MLLT6: variants seen among roughly 807,000 people sequenced by gnomAD.
MLLT6 encodes the protein MLLT6, PHD finger containing.
A neutral mutation model predicts 103.0 loss-of-function variants in MLLT6; 22 were observed. That is an observed-to-expected ratio of 0.21 (90% CI 0.15 to 0.31). MLLT6 has a LOEUF of 0.31. Among genes scored for constraint, MLLT6 ranks in the 10% least tolerant of loss-of-function variants. The probability of loss-of-function intolerance (pLI) is 1.00; values close to 1 mark genes in which losing one functional copy is unlikely to be tolerated. For synonymous variants in MLLT6, 606 were observed against 623.5 expected (o/e 0.97, Z 0.42); for missense variants, 1,199 against 1,441.7 (o/e 0.83, Z 2.73).
Position 38,728,724 on chromosome 17 carries a change from C to CCGAA in MLLT6, c.*3127_*3128insGAAC, listed in dbSNP as rs1906167477. 4.3e-6 allele frequency: 1 copy of CCGAA among 234,310 alleles called. No individual in the cohort carries two copies. Among genetic ancestry groups the CCGAA allele is most frequent in the Non-Finnish European group, 8.4e-6 (1 of 118,618 alleles). The allele number at this position is 234,310 out of a possible 1,614,324, so 14.5% of individuals were successfully genotyped here. A position where few individuals can be genotyped will look rare whatever the true frequency, so the allele number is the denominator to read the frequency against. ...GACTGTGGCCTCCTGGCCCTTGGTT[C>CCGAA]CCCTGCCCCACAACATGGTCTCCAC... On this transcript the variant is annotated 3_prime_UTR_variant, in exon 20 of 20. Transcript: ENST00000621332.
intron 10 of MLLT6, 95 bp downstream of exon 10, chr17:38,717,076 T>C: frequency 1.3e-6 from 2 of 1,535,748 alleles, no homozygotes; most frequent in East Asian, 2.3e-5. Flanking sequence ...ATGGGATGGA[T>C]ACCACTCCAA....
chr17:38,721,937 C>T lies in MLLT6; in HGVS notation c.2502C>T (p.Pro834=). 6.5e-7 allele frequency: 1 copy of T among 1,540,650 alleles called. No homozygotes were observed. Among genetic ancestry groups the T allele is most frequent in the Non-Finnish European group, 8.7e-7 (1 of 1,150,422 alleles). ...CGTCGCTGTCCTTCCACAGCACGCC[C>T]CCACCGCTGCCCCTCCTCCAGCAGA... ...SSSSLSFHST[P]PPLPLLQQSP... Residue 834 remains proline, a synonymous_variant, in exon 17 of 20, where the codon CCC becomes CCT. Coordinates refer to ENST00000621332, the MANE Select transcript of MLLT6 (RefSeq NM_005937.4).
At position 38,726,747 on chromosome 17, in the gene MLLT6, G is replaced by A. The variant is rs969571327; in HGVS notation, c.*1149G>A. ...GGAGCCCCAGGGCTTGGGGGAGGGC[G>A]TAAGGTGGGGGGAAATGCCACTGCT... is the stretch of plus-strand genomic sequence containing the variant. On this transcript the variant is annotated 3_prime_UTR_variant, in exon 20 of 20. Coordinates refer to ENST00000621332, the MANE Select transcript of MLLT6 (RefSeq NM_005937.4). 2.1e-5 allele frequency: 5 copies of A among 233,456 alleles called. No individual in the cohort carries two copies. The highest frequency in any genetic ancestry group is 6.0e-5 in the East Asian group (1 of 16,606). The allele number at this position is 233,456 out of a possible 1,614,324, so 14.5% of individuals were successfully genotyped here. A position where few individuals can be genotyped will look rare whatever the true frequency, so the allele number is the denominator to read the frequency against.
In MLLT6 at chr17:38,720,674, C is replaced by T; in HGVS notation, c.2369C>T (p.Ser790Phe). Residue 790 changes from serine to phenylalanine, a missense_variant, in exon 16 of 20, where the codon TCC becomes TTC. This residue lies in a region of MLLT6 where 1,034 missense variants were observed against 1,091.5 expected (regional missense o/e 0.95). Transcript: ENST00000621332. ...GLPPQAGSSDSLSTSKSPPGK... is the reference protein window; with the variant it reads ...GLPPQAGSSDFLSTSKSPPGK... ...CCTCCCACAGCCGGCAGCAGCGACTCCTTGAGCACCAGCAAGAGCCCTCCG... is the reference window on the plus strand; with the variant it reads ...CCTCCCACAGCCGGCAGCAGCGACTTCTTGAGCACCAGCAAGAGCCCTCCG... 6.2e-7 allele frequency: 1 copy of T among 1,613,878 alleles called. No homozygotes were observed. Among genetic ancestry groups the T allele is most frequent in the Non-Finnish European group, 8.5e-7 (1 of 1,180,040 alleles).
rs542495398 is a variant in MLLT6, at chr17:38,724,023, G to A, written c.2884-597G>A. 2.0e-5 allele frequency among the ~76,000 whole-genome samples: 3 copies of A among 152,234 alleles called. No individual in the cohort carries two copies. Among genetic ancestry groups the A allele is most frequent in the East Asian group, 1.9e-4 (1 of 5,166 alleles). ...CTCCCAAAGTGCTGGGATTATAGGC[G>A]TGAGCCACCGTGTCCGGCGAATTGA... On this transcript the variant is annotated intron_variant, in intron 18 of 19. Transcript: ENST00000621332. The surrounding 1 kb of genome is among the most constrained non-coding windows in gnomAD (Gnocchi z 5.4).
intron 2 of MLLT6, 133 bp from the exon 3 acceptor site, chr17:38,707,353 C>A: frequency 2.6e-6 from 2 of 771,442 alleles, no homozygotes; most frequent in Non-Finnish European, 2.2e-6. Context: ...CAACTCATGG[C>A]CAATCCTGTT....
At position 38,720,588 on chromosome 17, in the gene MLLT6, G is replaced by A; in HGVS notation, c.2353+19G>A. On this transcript the variant is annotated intron_variant, in intron 15 of 19. Coordinates refer to ENST00000621332, the MANE Select transcript of MLLT6 (RefSeq NM_005937.4). ...CCCCAAGGTGAGGGGATCCTGCCCAGCCCGGGAGAGAGGCCCGTGCCCTGA... is the reference window on the plus strand; with the variant it reads ...CCCCAAGGTGAGGGGATCCTGCCCAACCCGGGAGAGAGGCCCGTGCCCTGA... 1 of 1,612,640 alleles carries A rather than the reference G, an allele frequency of 6.2e-7. No homozygotes were observed. The highest frequency in any genetic ancestry group is 8.5e-7 in the Non-Finnish European group (1 of 1,179,770).
rs767164227 is a variant in MLLT6, at chr17:38,719,583, T to C, written c.2009T>C (p.Met670Thr). 4 of 1,605,486 alleles carry C rather than the reference T, an allele frequency of 2.5e-6. No individual in the cohort carries two copies. Among genetic ancestry groups the C allele is most frequent in the Non-Finnish European group, 3.4e-6 (4 of 1,175,744 alleles). ...TCCCCTCAGGAGAGTCTGTCTTCCATGTGAGGGAAGGGGCAGCCTGGAGGA... is the reference window on the plus strand; with the variant it reads ...TCCCCTCAGGAGAGTCTGTCTTCCACGTGAGGGAAGGGGCAGCCTGGAGGA... ...GTSPQESLSS[M>T]SPISSLPALF... is the part of the protein sequence containing the mutation. Residue 670 changes from methionine (M) to threonine (T), a missense_variant and splice_region_variant, in exon 13 of 20, where the codon ATG (methionine) becomes ACG (threonine). Met to Thr is a moderately conservative substitution (Grantham distance 81). This residue lies in a region of MLLT6 where 1,034 missense variants were observed against 1,091.5 expected (regional missense o/e 0.95). Coordinates refer to ENST00000621332, the MANE Select transcript of MLLT6 (RefSeq NM_005937.4).
chr17:38,707,103 ACT>A, intron 2 of MLLT6, 74 bp downstream of exon 2: 1 of 1,333,838 alleles, frequency 7.5e-7, no homozygotes, highest in Non-Finnish European at 1.0e-6. Flanking sequence ...GAGCTAGGGG[ACT>A]CTGAGGCCGA....
Position 38,709,419 on chromosome 17 carries a change from T to G in MLLT6, c.459-63T>G, listed in dbSNP as rs1597990376. On this transcript the variant is annotated intron_variant, in intron 5 of 19. Transcript: ENST00000621332. This position sits in a 1 kb window ranked among gnomAD's most constrained non-coding sequence, Gnocchi z 4.3. ...TCGCCTCAGCAGGGGGCCAGGAGGG[T>G]GAGAGGAAGGTGGCTCATGTGATCT... 2.0e-6 allele frequency: 3 copies of G among 1,488,340 alleles called. No homozygotes were observed. The highest frequency in any genetic ancestry group is 2.3e-5 in the South Asian group (2 of 88,566). The allele number at this position is 1,488,340 out of a possible 1,614,324, so 92.2% of individuals were successfully genotyped here. A position where few individuals can be genotyped will look rare whatever the true frequency, so the allele number is the denominator to read the frequency against.
Position 38,722,053 on chromosome 17 carries a change from C to T in MLLT6, c.2618C>T (p.Ala873Val), listed in dbSNP as rs951077568. 9 of 1,405,132 alleles carry T rather than the reference C, an allele frequency of 6.4e-6. No homozygotes were observed. The highest frequency in any genetic ancestry group is 3.0e-5 in the Admixed American group (1 of 33,380). The allele number at this position is 1,405,132 out of a possible 1,614,324, so 87.0% of individuals were successfully genotyped here. Residue 873 changes from alanine (A) to valine (V), a missense_variant, in exon 17 of 20, where the codon GCG becomes GTG. Ala to Val is a moderately conservative substitution (Grantham distance 64). Transcript: ENST00000621332. The stretch of plus-strand genomic sequence containing the variant: ...GGGTTGGGCCGGGCACCCGGGGCAG[C>T]GGGGCTGGGGGCCATGCCCATGGCT... Reference protein sequence around the residue: ...QNGLGRAPGAAGLGAMPMAEG... With the variant: ...QNGLGRAPGAVGLGAMPMAEG...
In MLLT6 at chr17:38,709,580, G is replaced by A. The variant is rs1359775238; in HGVS notation, c.552+5G>A. On this transcript the variant is annotated splice_donor_5th_base_variant and intron_variant, in intron 6 of 19. Transcript: ENST00000621332. This position sits in a 1 kb window ranked among gnomAD's most constrained non-coding sequence, Gnocchi z 4.3. Reference sequence around the variant, plus strand: ...AAATACCACTTCAGCAAGATGGTGAGTCCTGGCGACCAGCGCATGAGCGGG... The same window carrying A: ...AAATACCACTTCAGCAAGATGGTGAATCCTGGCGACCAGCGCATGAGCGGG... 6.2e-7 allele frequency: 1 copy of A among 1,610,472 alleles called. No homozygotes were observed.
At chr17:38,715,882 A>T (rs1160084839) in intron 9 of MLLT6, 54 bp downstream of exon 9, 2 of 1,472,834 alleles carry the variant, frequency 1.4e-6, no homozygotes, top group Non-Finnish European at 1.8e-6. Flanking sequence ...TTTTGTCCTG[A>T]GCTTTTCTGG....
chr17:38,712,186 C>T (rs1485435229), intron 7 of MLLT6, 172 bp downstream of exon 7: 7 of 912,014 alleles, frequency 7.7e-6, no homozygotes, highest in Admixed American at 6.2e-5. Context: ...GGGGGTGAGG[C>T]GGGAGCTTGG....
intron 17 of MLLT6, 144 bp from the exon 18 acceptor site, chr17:38,722,534 G>T: frequency 1.6e-6 from 1 of 643,474 alleles, no homozygotes; most frequent in South Asian, 1.8e-5. Context: ...CTATGAGCAC[G>T]GTGCTCTAAG....
Position 38,717,838 on chromosome 17 carries a change from C to T in MLLT6, c.1834-7C>T, listed in dbSNP as rs1246191699. 1 of 1,604,002 alleles carries T rather than the reference C, an allele frequency of 6.2e-7. No homozygotes were observed. Among genetic ancestry groups the T allele is most frequent in the Non-Finnish European group, 8.5e-7 (1 of 1,171,054 alleles). On this transcript the variant is annotated splice_region_variant and splice_polypyrimidine_tract_variant and intron_variant, in intron 11 of 19. Transcript: ENST00000621332. ...AACCGCCAGGGGATTCTACCTCCCT[C>T]CCTTAGGTGTTTTCTCTGGCTGGCT...
Position 38,722,091 on chromosome 17 carries a change from G to A in MLLT6, c.2656G>A (p.Gly886Arg). 3 of 1,374,322 alleles carry A rather than the reference G, an allele frequency of 2.2e-6. No individual in the cohort carries two copies. The highest frequency in any genetic ancestry group is 2.8e-6 in the Non-Finnish European group (3 of 1,068,502). 85.1% of individuals were successfully genotyped at this position (1,374,322 alleles called of 1,614,324 possible). ...GAMPMAEGLL[G>R]GLAGSGGLPL... ...CATGCCCATGGCTGAGGGGCTGTTG[G>A]GGGGGCTGGCAGGCAGTGGGGGCCT... Residue 886 changes from glycine (G) to arginine (R), a missense_variant, in exon 17 of 20, where the codon GGG becomes AGG. Gly to Arg is a moderately radical substitution (Grantham distance 125). Around this residue, in one of 7 missense-constraint regions of MLLT6, gnomAD observed 1,034 missense variants for 1,091.5 expected, o/e 0.95. Coordinates refer to ENST00000621332, the MANE Select transcript of MLLT6 (RefSeq NM_005937.4).
chr17:38,723,820 G>A (rs1905884071), intron 18 of MLLT6, among the ~76,000 whole-genome samples: 1 of 149,034 alleles, frequency 6.7e-6, no homozygotes, highest in African/African-American at 2.5e-5. Flanking sequence ...TCGGCTCACT[G>A]CAACCTCCGC....
At position 38,715,829 on chromosome 17, in the gene MLLT6, G is replaced by A. The variant is rs1567926552; in HGVS notation, c.1036+1G>A. ...TCTGGGGGGCCCTTCCAGCCTGCAGGTGAGTGTGGGCATCCGGGAGGAAGC... is the reference window on the plus strand; with the variant it reads ...TCTGGGGGGCCCTTCCAGCCTGCAGATGAGTGTGGGCATCCGGGAGGAAGC... On this transcript the variant is annotated splice_donor_variant, in intron 9 of 19. Transcript: ENST00000621332. LOFTEE classifies it high-confidence loss of function. 1 of 1,585,930 alleles carries A rather than the reference G, an allele frequency of 6.3e-7. No individual in the cohort carries two copies. Among genetic ancestry groups the A allele is most frequent in the Non-Finnish European group, 8.6e-7 (1 of 1,165,324 alleles).
Sources: allele counts gnomAD v4.1 joint callset (sites outside exome capture counted in the v4.1 genomes callset), GRCh38; gene constraint gnomAD v4.1.1; regional missense constraint gnomAD v4.1.1; non-coding constraint Gnocchi (gnomAD v3.1); transcripts MANE v1.5; gene names NCBI Gene and HGNC (gene_info 2026-07-23, HGNC 2026-07-21).